LRRIQ1: variants seen among roughly 807,000 people sequenced by gnomAD.
The protein encoded by LRRIQ1 is leucine-rich repeat- and IQ domain-containing protein 1.
LRRIQ1 carries 210 observed loss-of-function variants against 211.9 expected under a neutral mutation model. That is an observed-to-expected ratio of 0.99 (90% CI 0.89 to 1.11). The LOEUF is 1.11. Among genes scored for constraint, LRRIQ1 ranks in the 50% most tolerant of loss-of-function variants. The pLI is 0.00. For synonymous variants in LRRIQ1, 699 were observed against 650.1 expected (o/e 1.08, Z -1.14); for missense variants, 2,136 against 1,939.5 (o/e 1.10, Z -1.90).
chr12:85,259,535 C>T (rs1896224416), intron 1 of LRRIQ1, among the ~76,000 whole-genome samples: 1 of 152,004 alleles, frequency 6.6e-6, no homozygotes, highest in South Asian at 2.1e-4. Context: ...AAAAAACTCT[C>T]ACTAAATGCA....
intron 11 of LRRIQ1, among the ~76,000 whole-genome samples, chr12:85,079,963 G>A (rs1217971150): frequency 6.6e-6 from 1 of 151,944 alleles, no homozygotes; most frequent in South Asian, 2.1e-4. Context: ...CATCTACAAT[G>A]TTCCTTCTGC....
At chr12:85,061,649 G>A (rs1881819025) in intron 8 of LRRIQ1, among the ~76,000 whole-genome samples, 1 of 151,706 alleles carries the variant, frequency 6.6e-6, no homozygotes, top group African/African-American at 2.4e-5. Context: ...CTATACAGCT[G>A]TAATTGTTGA....
intron 24 of LRRIQ1, among the ~76,000 whole-genome samples, chr12:85,168,207 A>AGGGGCTGGGCCATTTGTAGCC (rs1891244182): frequency 6.6e-6 from 1 of 152,126 alleles, no homozygotes; most frequent in African/African-American, 2.4e-5. Context: ...TCATTCCTGA[A>AGGGGCTGGGCCATTTGTAGCC]GGGGCTGGGC....
At chr12:85,190,066 A>G (rs1050769662) in intron 24 of LRRIQ1, among the ~76,000 whole-genome samples, 6 of 142,256 alleles carry the variant, frequency 4.2e-5, no homozygotes, top group Non-Finnish European at 9.1e-5. Context: ...TATAACCCCT[A>G]TACATAATAT....
intron 1 of LRRIQ1, among the ~76,000 whole-genome samples, chr12:85,256,582 A>G (rs1342847384): frequency 1.3e-5 from 2 of 151,680 alleles, no homozygotes; most frequent in Non-Finnish European, 3.0e-5. Context: ...GTTTCCATGA[A>G]AAATTTTTGG....
Position 85,117,248 on chromosome 12 carries a change from T to C in LRRIQ1, c.3378-4449T>C, listed in dbSNP as rs1887647527. 2.0e-5 allele frequency among the ~76,000 whole-genome samples: 3 copies of C among 152,188 alleles called. No homozygotes were observed. In the South Asian group the frequency reaches 6.2e-4, roughly 31 times the overall value. ...GTTATCTTGCTTTGATGACGTCTCC[T>C]CATTCAGCCAAAATGAGACTTGAAA... is the stretch of plus-strand genomic sequence containing the variant. On this transcript the variant is annotated intron_variant, in intron 15 of 26. Transcript: ENST00000393217.
At chr12:85,095,199 A>G (rs1350528520) in intron 11 of LRRIQ1, among the ~76,000 whole-genome samples, 3 of 152,168 alleles carry the variant, frequency 2.0e-5, no homozygotes, top group Admixed American at 6.6e-5. Context: ...TCCAGTTCTC[A>G]AGGAGAATGC....
intron 1 of LRRIQ1, among the ~76,000 whole-genome samples, chr12:85,260,129 TAAAAAAAAAA>T (rs34282611): frequency 2.6e-5 from 3 of 115,598 alleles, no homozygotes; most frequent in Non-Finnish European, 5.2e-5. Context: ...TCATGTTGGT[TAAAAAAAAAA>T]AAAAAAAAAA....
intron 1 of LRRIQ1, among the ~76,000 whole-genome samples, chr12:85,257,093 A>G (rs1393464010): frequency 9.0e-6 from 1 of 111,158 alleles, no homozygotes; most frequent in Non-Finnish European, 1.8e-5. Context: ...ATTATATTAT[A>G]TAATTATATA....
At chr12:85,080,306 T>A (rs1329722293) in intron 11 of LRRIQ1, among the ~76,000 whole-genome samples, 1 of 152,024 alleles carries the variant, frequency 6.6e-6, no homozygotes, top group African/African-American at 2.4e-5. Context: ...CCTAAATCTG[T>A]GGCTCAGTGT....
intron 14 of LRRIQ1, among the ~76,000 whole-genome samples, chr12:85,104,338 A>G (rs1207667737): frequency 6.6e-6 from 1 of 151,922 alleles, no homozygotes; most frequent in Non-Finnish European, 1.5e-5. Context: ...TATGAAATAT[A>G]TAGCCTAATG....
chr12:85,157,426 T>C (rs1890616104), intron 23 of LRRIQ1, among the ~76,000 whole-genome samples: 1 of 151,958 alleles, frequency 6.6e-6, no homozygotes, highest in Non-Finnish European at 1.5e-5. Context: ...GCTTTTAACC[T>C]CTTGATTGGC....
intron 13 of LRRIQ1, among the ~76,000 whole-genome samples, chr12:85,100,302 T>G (rs781583489): frequency 9.9e-5 from 15 of 151,752 alleles, no homozygotes; most frequent in Non-Finnish European, 2.1e-4. Context: ...AAATTAAATT[T>G]AATACTAGCT....
At chr12:85,228,926 G>C (rs1007781338) in intron 24 of LRRIQ1, among the ~76,000 whole-genome samples, 5 of 152,124 alleles carry the variant, frequency 3.3e-5, no homozygotes, top group Non-Finnish European at 5.9e-5. Context: ...TGTCAATCAA[G>C]TTTATGAAGC....
At chr12:85,090,418 A>C (rs1161555960) in intron 11 of LRRIQ1, among the ~76,000 whole-genome samples, 1 of 152,164 alleles carries the variant, frequency 6.6e-6, no homozygotes, top group African/African-American at 2.4e-5. Context: ...GCATCCAAAA[A>C]AGCTACAGAC....
intron 18 of LRRIQ1, 125 bp downstream of exon 18, chr12:85,128,158 C>T (rs1253981993): frequency 2.5e-6 from 2 of 815,614 alleles, no homozygotes; most frequent in Non-Finnish European, 3.9e-6. Context: ...ATTTCTTATT[C>T]AAGTGACATG....
chr12:85,052,009 T>G (rs932491398), intron 6 of LRRIQ1, among the ~76,000 whole-genome samples, 168 bp from the exon 7 acceptor site: 1 of 152,160 alleles, frequency 6.6e-6, no homozygotes, highest in Non-Finnish European at 1.5e-5. Context: ...TATGTGACAC[T>G]TCAGTTTGAG....
intron 14 of LRRIQ1, among the ~76,000 whole-genome samples, chr12:85,104,962 C>T (rs1886662828): frequency 1.3e-5 from 2 of 152,040 alleles, no homozygotes; most frequent in Admixed American, 6.6e-5. Context: ...TATGTTATCT[C>T]ATTGTGGTTT....
rs1197049295 is a variant in LRRIQ1, at chr12:85,102,959, A to AATAT, written c.3210-1020_3210-1017dup. ...CTAATTGTGGCAAAAAAAAAAAAAAAATATATATATATATATATATATATA... is the reference window on the plus strand; with the variant it reads ...CTAATTGTGGCAAAAAAAAAAAAAAAATATATATATATATATATATATATATATA... On this transcript the variant is annotated intron_variant, in intron 13 of 26. Transcript: ENST00000393217. Among the ~76,000 whole-genome samples the AATAT allele has an allele frequency of 2.9e-4, 32 of 108,490 alleles. 1 individual carries two copies. The highest frequency in any genetic ancestry group is 3.7e-4 in the African/African-American group (9 of 24,010). The allele number at this position is 108,490 out of a possible 152,430, so 71.2% of individuals were successfully genotyped here.
Sources: allele counts gnomAD v4.1 joint callset (sites outside exome capture counted in the v4.1 genomes callset), GRCh38; gene constraint gnomAD v4.1.1; transcripts MANE v1.5; gene names NCBI Gene and HGNC (gene_info 2026-07-23, HGNC 2026-07-21).